EXOC4: variants seen among roughly 807,000 people sequenced by gnomAD.
EXOC4 encodes SEC8-like 1.
In EXOC4, 71 loss-of-function variants were observed where a neutral mutation model predicts 107.2. The observed-to-expected ratio is 0.66, with a 90% CI of 0.55 to 0.81. The LOEUF (loss-of-function observed/expected upper bound fraction) is 0.81, where lower values mean the gene tolerates loss of function less well. EXOC4 is among the 30% of genes least tolerant of loss of function. The pLI, the probability that EXOC4 is intolerant of heterozygous loss-of-function variation, is 0.00. For missense variants in EXOC4, 1,108 were observed against 1,189.6 expected, an observed-to-expected ratio of 0.93 and a Z score of 1.01; for synonymous variants, 456 against 441.2, an observed-to-expected ratio of 1.03 and a Z score of -0.42.
At chr7:133,555,254 A>ATG (rs1800669791) in intron 9 of EXOC4, among the ~76,000 whole-genome samples, 1 of 152,204 alleles carries the variant, frequency 6.6e-6, no homozygotes, top group African/African-American at 2.4e-5. Context: ...TATGTTAGCG[A>ATG]TGTGTTAACT....
At chr7:133,636,668 G>T (rs1331259767) in intron 10 of EXOC4, among the ~76,000 whole-genome samples, 1 of 152,212 alleles carries the variant, frequency 6.6e-6, no homozygotes, top group Non-Finnish European at 1.5e-5. Flanking sequence ...TGCTGGTTCT[G>T]TTGAACACTG....
At chr7:133,624,600 C>A (rs1285628263) in intron 9 of EXOC4, among the ~76,000 whole-genome samples, 1 of 150,828 alleles carries the variant, frequency 6.6e-6, no homozygotes, top group South Asian at 2.1e-4. Context: ...CTTTTTTTTT[C>A]TTTTCTTTTT....
chr7:133,588,102 A>C (rs1245614230), intron 9 of EXOC4, among the ~76,000 whole-genome samples: 5 of 152,192 alleles, frequency 3.3e-5, no homozygotes, highest in Non-Finnish European at 5.9e-5. Flanking sequence ...CCTAAGGGAA[A>C]TTGTGTATTT....
intron 17 of EXOC4, among the ~76,000 whole-genome samples, chr7:134,044,094 C>A (rs1010590121): frequency 6.6e-6 from 1 of 152,190 alleles, no homozygotes; most frequent in Non-Finnish European, 1.5e-5. Flanking sequence ...ATCCACCTTG[C>A]CACTGGGTGA....
At chr7:133,818,083 G>A (rs1408839526) in intron 11 of EXOC4, among the ~76,000 whole-genome samples, 1 of 151,982 alleles carries the variant, frequency 6.6e-6, no homozygotes, top group African/African-American at 2.4e-5. Context: ...ATAAAAAAAT[G>A]GTTTCTTAGC....
chr7:133,383,961 T>C (rs1004425792), intron 7 of EXOC4, among the ~76,000 whole-genome samples: 3 of 152,168 alleles, frequency 2.0e-5, no homozygotes, highest in Non-Finnish European at 4.4e-5. Flanking sequence ...ATGAACAGAA[T>C]ATAATTAACA....
Position 133,495,637 on chromosome 7 carries a change from C to T in EXOC4, c.1417+15499C>T, listed in dbSNP as rs942816335. ...TTCTGTAACTCAACAAAATGTCTGG[C>T]ACATTCATTCTTGTGGATTTGCATA... On this transcript the variant is annotated intron_variant, in intron 9 of 17. Coordinates refer to ENST00000253861, the MANE Select transcript of EXOC4 (RefSeq NM_021807.4). Among the ~76,000 whole-genome samples the T allele has an allele frequency of 9.9e-5, 15 of 152,172 alleles. 1 individual carries two copies. Among genetic ancestry groups the T allele is most frequent in the African/African-American group, 2.9e-4 (12 of 41,432 alleles).
intron 7 of EXOC4, among the ~76,000 whole-genome samples, chr7:133,450,554 T>A (rs1798320422): frequency 6.6e-6 from 1 of 152,198 alleles, no homozygotes; most frequent in Non-Finnish European, 1.5e-5. Context: ...ACCTTGTGTC[T>A]GCTGACTGTT....
At chr7:133,431,564 C>G (rs777740520) in intron 7 of EXOC4, among the ~76,000 whole-genome samples, 1 of 152,218 alleles carries the variant, frequency 6.6e-6, no homozygotes, top group Admixed American at 6.5e-5. Context: ...CCTAATCACT[C>G]TTGCAGATGG....
At chr7:133,899,915 A>T (rs949830621) in intron 12 of EXOC4, among the ~76,000 whole-genome samples, 1 of 151,616 alleles carries the variant, frequency 6.6e-6, no homozygotes, top group African/African-American at 2.4e-5. Context: ...CCAACTGTCT[A>T]TTTATTTATT....
intron 9 of EXOC4, among the ~76,000 whole-genome samples, chr7:133,603,509 C>T (rs186553993): frequency 7.5e-4 from 114 of 152,260 alleles, no homozygotes; most frequent in African/African-American, 2.5e-3. Context: ...ATGGTATAGC[C>T]TGTCGCTCCT....
intron 10 of EXOC4, among the ~76,000 whole-genome samples, chr7:133,661,834 AGT>A (rs1793695207): frequency 1.3e-5 from 2 of 152,110 alleles, no homozygotes; most frequent in Admixed American, 1.3e-4. Flanking sequence ...AAGCATATAT[AGT>A]CCTATAAAGT....
intron 10 of EXOC4, among the ~76,000 whole-genome samples, chr7:133,720,464 A>G (rs1448564078): frequency 6.6e-6 from 1 of 152,192 alleles, no homozygotes; most frequent in African/African-American, 2.4e-5. Context: ...CAAGGAAACC[A>G]TAATGCACAA....
the EXOC4 span, among the ~76,000 whole-genome samples, chr7:134,081,285 G>A: frequency 6.6e-6 from 1 of 152,166 alleles, no homozygotes; most frequent in Non-Finnish European, 1.5e-5. Flanking sequence ...GGAAGTTGCC[G>A]TGAGCTGAGA....
intron 10 of EXOC4, among the ~76,000 whole-genome samples, chr7:133,787,639 G>C (rs933420836): frequency 1.3e-5 from 2 of 151,716 alleles, no homozygotes; most frequent in Non-Finnish European, 2.9e-5. Context: ...GAGGCTCTTG[G>C]TGGCTTACAG....
intron 10 of EXOC4, among the ~76,000 whole-genome samples, chr7:133,671,775 G>T (rs113097400): frequency 1.3e-5 from 2 of 152,246 alleles, no homozygotes; most frequent in African/African-American, 4.8e-5. Flanking sequence ...AAAAAGAGGA[G>T]TCAAGCATAT....
intron 11 of EXOC4, among the ~76,000 whole-genome samples, chr7:133,841,884 A>G (rs1437471879): frequency 1.3e-5 from 2 of 152,104 alleles, no homozygotes; most frequent in African/African-American, 4.8e-5. Context: ...CTCCATGTTT[A>G]GCTCTCACTT....
intron 10 of EXOC4, among the ~76,000 whole-genome samples, chr7:133,631,212 G>A (rs1802584515): frequency 1.3e-5 from 2 of 152,080 alleles, no homozygotes; most frequent in South Asian, 2.1e-4. Flanking sequence ...TTTACTAAAT[G>A]TTAGGTACTT....
intron 11 of EXOC4, among the ~76,000 whole-genome samples, chr7:133,879,953 C>A (rs961788673): frequency 4.6e-5 from 7 of 152,166 alleles, no homozygotes; most frequent in Non-Finnish European, 7.3e-5. Context: ...TCCATTCAAC[C>A]CTTTCTCGAT....
Sources: gnomAD v4.1 joint callset for allele counts (sites outside exome capture counted in the v4.1 genomes callset) on GRCh38, gnomAD v4.1.1 for gene constraint, MANE v1.5 for transcripts, NCBI Gene and HGNC (gene_info 2026-07-23, HGNC 2026-07-21) for gene names.